Variants in SP6 observed in about 807,000 individuals in gnomAD.
SP6 encodes transcription factor Sp6.
SP6 carries 10 observed loss-of-function variants against 23.4 expected under a neutral mutation model. The ratio of observed to expected loss-of-function variants is 0.43; its 90% CI spans 0.26 to 0.72. The LOEUF is 0.72. Among genes scored for constraint, SP6 ranks in the 30% least tolerant of loss-of-function variants. The pLI is 0.23. For missense variants in SP6, 482 were observed against 523.8 expected, an observed-to-expected ratio of 0.92 and a Z score of 0.78; for synonymous variants, 238 against 238.7, an observed-to-expected ratio of 1.00 and a Z score of 0.03.
chr17:47,847,480 G>A lies in SP6; in HGVS notation c.950C>T (p.Ala317Val), dbSNP rs1454169395. The A allele has an allele frequency of 1.2e-6, 2 of 1,613,770 alleles. No individual in the cohort carries two copies. The highest frequency in any genetic ancestry group is 1.7e-4 in the Middle Eastern group (1 of 6,060). The change falls in exon 2 of 2, where the codon GCA becomes GTA. Residue 317 changes from alanine (A) to valine (V), a missense_variant. Physicochemically the swap from Ala to Val is moderately conservative, Grantham distance 64 (BLOSUM62 0). Transcript: ENST00000536300. ...THTGTKKFPC[A>V]VCSRVFMRSD... is the part of the protein sequence containing the mutation. ...GCGCATGAAGACGCGGCTGCAGACTGCACAGGGGAACTTCTTGGTGCCGGT... is the reference window on the plus strand; with the variant it reads ...GCGCATGAAGACGCGGCTGCAGACTACACAGGGGAACTTCTTGGTGCCGGT...
At position 47,848,588 on chromosome 17, in the gene SP6, A is replaced by G. The variant is rs1025120923; in HGVS notation, c.-57-102T>C. The G allele has an allele frequency of 2.8e-5, 18 of 649,104 alleles. No individual in the cohort carries two copies. In the African/African-American group the frequency reaches 3.3e-4, roughly 12 times the overall value. 40.2% of individuals were successfully genotyped at this position (649,104 alleles called of 1,614,324 possible). ...GGCCCCAGGTGTAAAAGAAGGATGC[A>G]CCTCTGAACGAGGACTAGAGATGAG... On this transcript the variant is annotated intron_variant, in intron 1 of 1. Coordinates refer to ENST00000536300, the MANE Select transcript of SP6 (RefSeq NM_001258248.2). This position sits in a 1 kb window ranked among gnomAD's most constrained non-coding sequence, Gnocchi z 5.3.
the SP6 span, among the ~76,000 whole-genome samples, chr17:47,864,050 G>A: frequency 3.7e-5 from 5 of 136,738 alleles, no homozygotes; most frequent in African/African-American, 1.4e-4. Context: ...CACCATGTTG[G>A]TCAGGCTGGT....
the SP6 span, among the ~76,000 whole-genome samples, chr17:47,863,755 T>TTTG: frequency 6.8e-6 from 1 of 146,644 alleles, no homozygotes; most frequent in African/African-American, 2.5e-5. Context: ...TTTTTTTTTT[T>TTTG]TGAGATGGAG....
At chr17:47,865,615 A>C in the SP6 span, among the ~76,000 whole-genome samples, 1 of 152,186 alleles carries the variant, frequency 6.6e-6, no homozygotes, top group Non-Finnish European at 1.5e-5. Context: ...CAAATTAATT[A>C]ATGGCAGATC....
At chr17:47,873,201 T>C in the SP6 span, among the ~76,000 whole-genome samples, 1 of 152,238 alleles carries the variant, frequency 6.6e-6, no homozygotes, top group Non-Finnish European at 1.5e-5. Context: ...AGGCCAGGCC[T>C]GATCAGCTGG....
upstream of SP6, among the ~76,000 whole-genome samples, chr17:47,852,831 T>C (rs8066743): frequency 0.053 from 8,032 of 152,216 alleles, 477 homozygotes; most frequent in African/African-American, 0.14. Context: ...GGGTACACAT[T>C]GGTAGGGTCT....
chr17:47,855,190 G>A (rs571332992), upstream of SP6, among the ~76,000 whole-genome samples: 84 of 152,162 alleles, frequency 5.5e-4, 1 homozygote, highest in Admixed American at 1.9e-3. Context: ...TCTGTATGTC[G>A]GTGTGTGTAT....
chr17:47,851,556 A>C (rs959973462), upstream of SP6, among the ~76,000 whole-genome samples: 1 of 152,172 alleles, frequency 6.6e-6, no homozygotes, highest in Non-Finnish European at 1.5e-5. Context: ...GGTTGCCTCG[A>C]TGGCCCTTGA....
At chr17:47,871,636 T>G in the SP6 span, among the ~76,000 whole-genome samples, 1 of 151,652 alleles carries the variant, frequency 6.6e-6, no homozygotes, top group African/African-American at 2.4e-5. Context: ...TTTTTTTTTT[T>G]GAAACAGAGT....
chr17:47,852,590 TC>T (rs955931999), upstream of SP6, among the ~76,000 whole-genome samples: 1 of 150,220 alleles, frequency 6.7e-6, no homozygotes, highest in Non-Finnish European at 1.5e-5. Flanking sequence ...CAGCCCCTAC[TC>T]CCCCCCGCCA....
At chr17:47,871,377 C>G in the SP6 span, among the ~76,000 whole-genome samples, 10 of 152,356 alleles carry the variant, frequency 6.6e-5, no homozygotes, top group East Asian at 1.9e-3. Context: ...GTCCCCACTT[C>G]TCCCTCCAAG....
the SP6 span, among the ~76,000 whole-genome samples, chr17:47,876,233 A>C: frequency 1.3e-5 from 2 of 152,248 alleles, no homozygotes; most frequent in Non-Finnish European, 2.9e-5. Flanking sequence ...CTAGAAATGC[A>C]TTCAATCAAT....
At chr17:47,860,719 AAAAT>A (rs71141936), upstream of SP6, among the ~76,000 whole-genome samples, 266 of 148,880 alleles carry the variant, frequency 1.8e-3, 3 homozygotes, top group Middle Eastern at 0.024. Context: ...AAAAAAAGTT[AAAAT>A]AAATAAATAA....
chr17:47,871,984 G>C, the SP6 span, among the ~76,000 whole-genome samples: 1 of 152,156 alleles, frequency 6.6e-6, no homozygotes, highest in Non-Finnish European at 1.5e-5. Flanking sequence ...GGTTTGATTC[G>C]TTGGGGTGTG....
rs1266980265 is a variant in SP6 at position 47,847,916 on chromosome 17, G to A, written c.514C>T (p.His172Tyr). The part of the protein sequence containing the change: ...CAPPPHPHAH[H>Y]LLPAAGGQHL... ...TGCCCTCCGGCAGCTGGAAGGAGGTGGTGCGCATGCGGGTGGGGTGGCGGG... is the reference window on the plus strand; with the variant it reads ...TGCCCTCCGGCAGCTGGAAGGAGGTAGTGCGCATGCGGGTGGGGTGGCGGG... The change falls in exon 2 of 2, where the codon CAC (histidine) becomes TAC (tyrosine). Residue 172 changes from histidine to tyrosine, a missense_variant. By Grantham distance (83) the His-to-Tyr change is moderately conservative. Around this residue, in one of 3 missense-constraint regions of SP6, gnomAD observed 330 missense variants for 332.3 expected, o/e 0.99. Coordinates refer to ENST00000536300, the MANE Select transcript of SP6 (RefSeq NM_001258248.2). 3 of 1,566,276 alleles carry A rather than the reference G, an allele frequency of 1.9e-6. No individual in the cohort carries two copies. The African/African-American group carries it at 4.0e-5, about 21-fold the overall frequency.
At chr17:47,862,604 C>T in the SP6 span, among the ~76,000 whole-genome samples, 1 of 151,964 alleles carries the variant, frequency 6.6e-6, no homozygotes. Flanking sequence ...GAAGTGATTC[C>T]AAGCCATGTG....
chr17:47,853,177 T>C (rs2033974576), upstream of SP6, among the ~76,000 whole-genome samples: 1 of 152,166 alleles, frequency 6.6e-6, no homozygotes, highest in Non-Finnish European at 1.5e-5. Context: ...CATCGGGGGA[T>C]TGAGATTTCT....
At chr17:47,860,827 T>G (rs1419520755), upstream of SP6, among the ~76,000 whole-genome samples, 1 of 152,202 alleles carries the variant, frequency 6.6e-6, no homozygotes, top group Admixed American at 6.5e-5. Flanking sequence ...TGACCCTTCC[T>G]CTTTCACCCT....
At chr17:47,852,438 G>A (rs2033967604), upstream of SP6, among the ~76,000 whole-genome samples, 1 of 152,006 alleles carries the variant, frequency 6.6e-6, no homozygotes. Context: ...TTTTCACAGG[G>A]GAATGCAGAT....
Sources: gnomAD v4.1 joint callset for allele counts (sites outside exome capture counted in the v4.1 genomes callset) on GRCh38, gnomAD v4.1.1 for gene constraint, gnomAD v4.1.1 regional missense constraint, Gnocchi (gnomAD v3.1) non-coding constraint, MANE v1.5 for transcripts, NCBI Gene and HGNC (gene_info 2026-07-23, HGNC 2026-07-21) for gene names.